Variants in JAZF1 observed in about 807,000 individuals in gnomAD.
JAZF1 encodes the protein JAZF zinc finger 1.
JAZF1 carries 8 observed loss-of-function variants against 26.4 expected under a neutral mutation model. The ratio of observed to expected loss-of-function variants is 0.30; its 90% CI spans 0.18 to 0.55. The LOEUF is 0.55. Among genes scored for constraint, JAZF1 ranks in the 20% least tolerant of loss-of-function variants. JAZF1 has a pLI of 0.94. For missense variants in JAZF1, 199 were observed against 322.0 expected, an observed-to-expected ratio of 0.62 and a Z score of 2.92; for synonymous variants, 126 against 122.3, an observed-to-expected ratio of 1.03 and a Z score of -0.20.
chr7:27,944,846 C>T (rs1229062414), intron 2 of JAZF1, among the ~76,000 whole-genome samples: 4 of 152,012 alleles, frequency 2.6e-5, no homozygotes, highest in Admixed American at 2.0e-4. Flanking sequence ...GACTCACTGG[C>T]CTTCCAAGGG....
intron 1 of JAZF1, among the ~76,000 whole-genome samples, chr7:28,168,077 T>C (rs1178221535): frequency 6.6e-6 from 1 of 152,130 alleles, no homozygotes; most frequent in Non-Finnish European, 1.5e-5. Context: ...CTGTATTAGT[T>C]ACCAGCATTT....
chr7:28,130,210 TACA>T (rs1372505816), intron 1 of JAZF1, among the ~76,000 whole-genome samples: 2 of 152,140 alleles, frequency 1.3e-5, no homozygotes, highest in Non-Finnish European at 2.9e-5. Context: ...AATATATTCA[TACA>T]ACAAGTATCC....
At chr7:28,014,732 G>C (rs1166423662) in intron 1 of JAZF1, among the ~76,000 whole-genome samples, 3 of 152,182 alleles carry the variant, frequency 2.0e-5, no homozygotes. Context: ...ATAGGTCCTA[G>C]ACAGCAGTAA....
At chr7:28,066,605 A>AT (rs1186879209) in intron 1 of JAZF1, among the ~76,000 whole-genome samples, 3 of 148,154 alleles carry the variant, frequency 2.0e-5, no homozygotes, top group African/African-American at 7.5e-5. Flanking sequence ...TCCATCTCAA[A>AT]AAAAAAAAAA....
At chr7:27,867,218 G>C (rs1207670702) in intron 3 of JAZF1, among the ~76,000 whole-genome samples, 4 of 152,154 alleles carry the variant, frequency 2.6e-5, no homozygotes, top group East Asian at 1.9e-4. Flanking sequence ...GATTGATATA[G>C]AGAAAAATGT....
At chr7:28,075,916 GAGAT>G (rs1364196996) in intron 1 of JAZF1, among the ~76,000 whole-genome samples, 2 of 152,240 alleles carry the variant, frequency 1.3e-5, no homozygotes, top group African/African-American at 2.4e-5. Context: ...GGAGAGACAA[GAGAT>G]AGAGAACTTC....
chr7:28,095,353 A>G (rs1433934098), intron 1 of JAZF1, among the ~76,000 whole-genome samples: 1 of 152,142 alleles, frequency 6.6e-6, no homozygotes, highest in Non-Finnish European at 1.5e-5. Context: ...ACTTACGATC[A>G]TGGCGGATGG....
intron 3 of JAZF1, among the ~76,000 whole-genome samples, chr7:27,875,534 C>G (rs890060000): frequency 7.9e-5 from 12 of 152,322 alleles, no homozygotes; most frequent in Non-Finnish European, 1.2e-4. Flanking sequence ...CCAGACCTAG[C>G]TAGCCTCACA....
At chr7:28,037,996 T>C (rs919762515) in intron 1 of JAZF1, among the ~76,000 whole-genome samples, 4 of 152,198 alleles carry the variant, frequency 2.6e-5, no homozygotes, top group Non-Finnish European at 4.4e-5. Context: ...GGAATTTTCA[T>C]TGCCAACATC....
chr7:28,056,579 C>T (rs897207301), intron 1 of JAZF1, among the ~76,000 whole-genome samples: 1 of 152,150 alleles, frequency 6.6e-6, no homozygotes, highest in Non-Finnish European at 1.5e-5. Context: ...TTAAGAATCA[C>T]ATCCACCATG....
chr7:27,853,046 G>A (rs1403409370), intron 3 of JAZF1, among the ~76,000 whole-genome samples: 2 of 152,168 alleles, frequency 1.3e-5, no homozygotes, highest in Non-Finnish European at 2.9e-5. Context: ...GCCCTGTCCT[G>A]TCCCTCCCTG....
intron 2 of JAZF1, among the ~76,000 whole-genome samples, chr7:27,947,189 T>C (rs905085527): frequency 6.6e-6 from 1 of 152,236 alleles, no homozygotes; most frequent in African/African-American, 2.4e-5. Context: ...TATTATACAT[T>C]TTCATTGTCG....
At chr7:27,865,055 T>G (rs7790213) in intron 3 of JAZF1, among the ~76,000 whole-genome samples, 79,058 of 151,874 alleles carry the variant, frequency 0.52, 20,909 homozygotes, top group East Asian at 0.66. Flanking sequence ...CAGAATGGAA[T>G]AGAGAGTATC....
chr7:27,907,509 ATC>A (rs1327601306), intron 2 of JAZF1, among the ~76,000 whole-genome samples: 5 of 152,216 alleles, frequency 3.3e-5, no homozygotes, highest in African/African-American at 4.8e-5. Context: ...GGGATTGGAC[ATC>A]TCCATTTCCA....
At chr7:28,135,447 A>C (rs1049981580) in intron 1 of JAZF1, among the ~76,000 whole-genome samples, 1 of 152,256 alleles carries the variant, frequency 6.6e-6, no homozygotes, top group African/African-American at 2.4e-5. Context: ...TTATAAGAAC[A>C]AACAGCACCT....
intron 1 of JAZF1, among the ~76,000 whole-genome samples, chr7:28,061,450 G>A (rs1015282066): frequency 1.3e-5 from 2 of 152,166 alleles, no homozygotes; most frequent in Admixed American, 6.5e-5. Context: ...GACACACTCC[G>A]CTGAACACTC....
chr7:27,843,362 A>C (rs1445820685), intron 3 of JAZF1: 1 of 152,258 alleles, frequency 6.6e-6, no homozygotes, highest in Non-Finnish European at 1.5e-5. Context: ...TCTTTCATGA[A>C]ACAGGCACAA....
Position 27,830,775 on chromosome 7 carries a change from A to G in JAZF1, c.*2025T>C, listed in dbSNP as rs772801836. 1 of 202,034 alleles carries G rather than the reference A, an allele frequency of 4.9e-6. No homozygotes were observed. Among genetic ancestry groups the G allele is most frequent in the East Asian group, 7.7e-5 (1 of 12,968 alleles). The allele number at this position is 202,034 out of a possible 1,614,324, so 12.5% of individuals were successfully genotyped here. ...AGTTTTCACAGACACAGTACAATACATTCACTATACACAGTATAACAAAAT... is the reference window on the plus strand; with the variant it reads ...AGTTTTCACAGACACAGTACAATACGTTCACTATACACAGTATAACAAAAT... On this transcript the variant is annotated 3_prime_UTR_variant, in exon 5 of 5. Coordinates refer to ENST00000283928, the MANE Select transcript of JAZF1 (RefSeq NM_175061.4).
At chr7:27,883,324 T>A (rs535555350) in intron 3 of JAZF1, among the ~76,000 whole-genome samples, 1 of 152,238 alleles carries the variant, frequency 6.6e-6, no homozygotes, top group African/African-American at 2.4e-5. Context: ...AAGTGAAATA[T>A]GGCTGTAAAG....
Sources: gnomAD v4.1 joint callset for allele counts (sites outside exome capture counted in the v4.1 genomes callset) on GRCh38, gnomAD v4.1.1 for gene constraint, MANE v1.5 for transcripts, NCBI Gene and HGNC (gene_info 2026-07-23, HGNC 2026-07-21) for gene names.